GOLM1: variants seen among roughly 807,000 people sequenced by gnomAD.
The protein encoded by GOLM1 is golgi membrane protein 1.
Under a neutral mutation model 50.5 loss-of-function variants are expected in GOLM1, and 31 were observed. The ratio of observed to expected loss-of-function variants is 0.61; its 90% CI spans 0.46 to 0.83. GOLM1 has a LOEUF of 0.83. Among genes scored for constraint, GOLM1 ranks in the 40% least tolerant of loss-of-function variants. GOLM1 has a pLI of 0.00. For missense variants in GOLM1, 491 were observed against 501.3 expected, an observed-to-expected ratio of 0.98 and a Z score of 0.20; for synonymous variants, 178 against 192.8, an observed-to-expected ratio of 0.92 and a Z score of 0.64.
At chr9:86,056,794 G>C (rs889592993) in intron 3 of GOLM1, among the ~76,000 whole-genome samples, 4 of 151,654 alleles carry the variant, frequency 2.6e-5, no homozygotes, top group African/African-American at 7.3e-5. Flanking sequence ...ATGAGGCACT[G>C]CACCCAGCCA....
intron 1 of GOLM1, among the ~76,000 whole-genome samples, chr9:86,084,581 A>T (rs1424786526): frequency 6.6e-6 from 1 of 152,196 alleles, no homozygotes; most frequent in Non-Finnish European, 1.5e-5. Context: ...TCTATGGTTA[A>T]GGGGAAACAG....
chr9:86,034,973 C>T (rs201860051), intron 8 of GOLM1: 14 of 980,966 alleles, frequency 1.4e-5, no homozygotes, highest in Non-Finnish European at 1.7e-5. Flanking sequence ...TTCCTTCCTT[C>T]CTTCCTTCAT....
chr9:86,026,597 C>A lies in GOLM1; in HGVS notation c.*1220G>T. The A allele has an allele frequency of 1.0e-6, 1 of 975,698 alleles. No homozygotes were observed. The highest frequency in any genetic ancestry group is 1.2e-6 in the Non-Finnish European group (1 of 821,160). The allele number at this position is 975,698 out of a possible 1,614,324, so 60.4% of individuals were successfully genotyped here. A position where few individuals can be genotyped will look rare whatever the true frequency, so the allele number is the denominator to read the frequency against. ...CTTAGCATCTCAAATCCTGTGGATC[C>A]TCCTACTTACCCCTTAGAGAGCCTT... On this transcript the variant is annotated 3_prime_UTR_variant, in exon 10 of 10. Coordinates refer to ENST00000388712, the MANE Select transcript of GOLM1 (RefSeq NM_016548.4).
chr9:86,083,451 C>G (rs1834848757), intron 1 of GOLM1, among the ~76,000 whole-genome samples: 1 of 152,206 alleles, frequency 6.6e-6, no homozygotes, highest in Non-Finnish European at 1.5e-5. Flanking sequence ...GTGGCACGAA[C>G]TTGGCTCACT....
intron 1 of GOLM1, among the ~76,000 whole-genome samples, chr9:86,083,757 A>G (rs1834859517): frequency 6.6e-6 from 1 of 152,210 alleles, no homozygotes; most frequent in Non-Finnish European, 1.5e-5. Flanking sequence ...CTCTGTGTTT[A>G]CGAACTCTTA....
chr9:86,080,225 A>T (rs1834745990), intron 1 of GOLM1: 1 of 152,268 alleles, frequency 6.6e-6, no homozygotes, highest in South Asian at 2.1e-4. Context: ...TGAGAGCTAC[A>T]GAGTGCACAA....
At position 86,046,518 on chromosome 9, in the gene GOLM1, T is replaced by C; in HGVS notation, c.419A>G (p.Gln140Arg). 6.2e-7 allele frequency: 1 copy of C among 1,613,670 alleles called. No individual in the cohort carries two copies. Among genetic ancestry groups the C allele is most frequent in the Non-Finnish European group, 8.5e-7 (1 of 1,179,590 alleles). Residue 140 changes from glutamine (Q) to arginine (R), a missense_variant, in exon 5 of 10, where the codon CAG (glutamine) becomes CGG (arginine). By Grantham distance (43) the Gln-to-Arg change is conservative. Coordinates refer to ENST00000388712, the MANE Select transcript of GOLM1 (RefSeq NM_016548.4). ...CAGGTTGGTCTGGTTCTTCTGAAACTGGAGGACATCCTGCTGCAGCCTGCC... is the reference window on the plus strand; with the variant it reads ...CAGGTTGGTCTGGTTCTTCTGAAACCGGAGGACATCCTGCTGCAGCCTGCC... ...NYGRLQQDVLQFQKNQTNLER... is the reference protein window; with the variant it reads ...NYGRLQQDVLRFQKNQTNLER...
At chr9:86,038,972 T>A (rs1274204697) in intron 6 of GOLM1, among the ~76,000 whole-genome samples, 1 of 152,020 alleles carries the variant, frequency 6.6e-6, no homozygotes, top group Non-Finnish European at 1.5e-5. Context: ...ATTAAGAACT[T>A]CTGTGCTTCA....
At chr9:86,075,603 C>A (rs754736396) in intron 3 of GOLM1, among the ~76,000 whole-genome samples, 5 of 152,186 alleles carry the variant, frequency 3.3e-5, no homozygotes, top group Non-Finnish European at 1.5e-5. Context: ...CTGCCTGACT[C>A]ACAAGTTCCA....
At chr9:86,055,451 G>T (rs1421720758) in intron 3 of GOLM1, among the ~76,000 whole-genome samples, 1 of 152,140 alleles carries the variant, frequency 6.6e-6, no homozygotes, top group Non-Finnish European at 1.5e-5. Flanking sequence ...GAACCCAGAA[G>T]CATTTAAAGC....
At chr9:86,054,746 C>T (rs1480821915) in intron 3 of GOLM1, among the ~76,000 whole-genome samples, 2 of 152,032 alleles carry the variant, frequency 1.3e-5, no homozygotes, top group Non-Finnish European at 2.9e-5. Flanking sequence ...GTAGGCTGTA[C>T]CTAATGTTAA....
intron 1 of GOLM1, among the ~76,000 whole-genome samples, chr9:86,080,467 G>A (rs1203606990): frequency 1.3e-5 from 2 of 152,132 alleles, no homozygotes; most frequent in African/African-American, 4.8e-5. Flanking sequence ...AGCAACAGAG[G>A]AGGAAAGGGG....
chr9:86,027,756 T>C lies in GOLM1; in HGVS notation c.*61A>G. 1.9e-6 allele frequency: 3 copies of C among 1,581,162 alleles called. No homozygotes were observed. Among genetic ancestry groups the C allele is most frequent in the Non-Finnish European group, 2.6e-6 (3 of 1,164,900 alleles). Reference sequence around the variant, plus strand: ...TTCACAGTTTTCAGTATTCAGTCCCTCATGAACATTTTATAGTCATCTCTT... The same window carrying C: ...TTCACAGTTTTCAGTATTCAGTCCCCCATGAACATTTTATAGTCATCTCTT... On this transcript the variant is annotated 3_prime_UTR_variant, in exon 10 of 10. Coordinates refer to ENST00000388712, the MANE Select transcript of GOLM1 (RefSeq NM_016548.4).
At chr9:86,056,665 C>G (rs1386207397) in intron 3 of GOLM1, among the ~76,000 whole-genome samples, 1 of 151,876 alleles carries the variant, frequency 6.6e-6, no homozygotes, top group Non-Finnish European at 1.5e-5. Flanking sequence ...GCCACCACGC[C>G]TGGCTAATTT....
intron 4 of GOLM1, among the ~76,000 whole-genome samples, chr9:86,049,370 A>G (rs1344274318): frequency 6.6e-6 from 1 of 152,252 alleles, no homozygotes; most frequent in East Asian, 1.9e-4. Flanking sequence ...TTTTGGTTCC[A>G]TATGAACTTT....
intron 1 of GOLM1, among the ~76,000 whole-genome samples, chr9:86,088,398 A>G (rs576312937): frequency 8.0e-6 from 1 of 124,638 alleles, no homozygotes; most frequent in South Asian, 2.6e-4. Flanking sequence ...CAGCTCCTGG[A>G]TTCGTTGTTT....
intron 4 of GOLM1, among the ~76,000 whole-genome samples, chr9:86,050,325 CTCTT>C (rs1044907616): frequency 3.9e-5 from 6 of 152,104 alleles, no homozygotes; most frequent in African/African-American, 1.4e-4. Context: ...GTCTAAAATT[CTCTT>C]TTTTTGTTGT....
At chr9:86,038,178 AAAG>A (rs1438645558) in intron 6 of GOLM1, among the ~76,000 whole-genome samples, 1 of 151,298 alleles carries the variant, frequency 6.6e-6, no homozygotes, top group African/African-American at 2.4e-5. Context: ...AAAAAAAGAA[AAAG>A]AAAAAACCTG....
intron 8 of GOLM1, chr9:86,035,095 A>C (rs1424411666): frequency 1.0e-6 from 1 of 985,192 alleles, no homozygotes; most frequent in Admixed American, 6.2e-5. Flanking sequence ...CTTGATGCTA[A>C]GCACCCATCT....
Sources: allele counts gnomAD v4.1 joint callset (sites outside exome capture counted in the v4.1 genomes callset), GRCh38; gene constraint gnomAD v4.1.1; transcripts MANE v1.5; gene names NCBI Gene and HGNC (gene_info 2026-07-23, HGNC 2026-07-21).